Variants in WDR31 observed in about 807,000 individuals in gnomAD.
The protein encoded by WDR31 is WD repeat domain 31, also known as WD repeat-containing protein 31.
In WDR31, 30 loss-of-function variants were observed where a neutral mutation model predicts 47.3. The observed-to-expected ratio is 0.63, with a 90% CI of 0.47 to 0.86. The LOEUF (loss-of-function observed/expected upper bound fraction) is 0.86. Ranked by LOEUF, WDR31 falls within the 40% of genes least tolerant of loss-of-function variation. The pLI, the probability that WDR31 is intolerant of heterozygous loss-of-function variation, is 0.00. For synonymous variants in WDR31, 137 were observed against 159.4 expected, an observed-to-expected ratio of 0.86 and a Z score of 1.06; for missense variants, 406 against 442.9, an observed-to-expected ratio of 0.92 and a Z score of 0.75.
chr9:113,322,906 A>G lies in WDR31; in HGVS notation c.475T>C (p.Ser159Pro). The change falls in exon 7 of 11, where the codon TCA becomes CCA. Residue 159 changes from serine to proline, a missense_variant. By Grantham distance (74) the Ser-to-Pro change is moderately conservative. Coordinates refer to ENST00000374193, the MANE Select transcript of WDR31 (RefSeq NM_001012361.4). ...TCCCGAGAGCCAGTGCACAGCTGTGATGAGTCTTTGGAAACAATGGTGAGA... is the reference window on the plus strand; with the variant it reads ...TCCCGAGAGCCAGTGCACAGCTGTGGTGAGTCTTTGGAAACAATGGTGAGA... ...VTGLAVSPDSSQLCTGSRDNT... is the reference protein window; with the variant it reads ...VTGLAVSPDSPQLCTGSRDNT... 1 of 1,614,164 alleles carries G rather than the reference A, an allele frequency of 6.2e-7. No individual in the cohort carries two copies.
At position 113,318,667 on chromosome 9, in the gene WDR31, A is replaced by G. The variant is rs575924466; in HGVS notation, c.781-30T>C. 5 of 1,612,210 alleles carry G rather than the reference A, an allele frequency of 3.1e-6. No homozygotes were observed. In the South Asian group the frequency reaches 3.3e-5, roughly 11 times the overall value. On this transcript the variant is annotated intron_variant, in intron 9 of 10. Coordinates refer to ENST00000374193, the MANE Select transcript of WDR31 (RefSeq NM_001012361.4). ...AAAGTAATGACATGGACCAGCTCAT[A>G]GTCACTTGTCTAGCTTCATCCATGA...
intron 9 of WDR31, among the ~76,000 whole-genome samples, chr9:113,319,501 A>G (rs1833280187): frequency 6.6e-6 from 1 of 152,218 alleles, no homozygotes; most frequent in Admixed American, 6.5e-5. Context: ...TAAGGATTAA[A>G]TGAGATATTA....
At chr9:113,333,984 T>C (rs1219150594) in intron 2 of WDR31, among the ~76,000 whole-genome samples, 2 of 151,760 alleles carry the variant, frequency 1.3e-5, no homozygotes, top group Non-Finnish European at 2.9e-5. Flanking sequence ...CTTCTCCTTC[T>C]TCTTTCTTTC....
intron 8 of WDR31, among the ~76,000 whole-genome samples, chr9:113,321,234 C>T (rs1833318972): frequency 6.6e-6 from 1 of 152,244 alleles, no homozygotes; most frequent in Admixed American, 6.5e-5. Flanking sequence ...TGGGGTTAAT[C>T]TGAACACCTT....
rs1833607495 is a variant in WDR31 at position 113,331,957 on chromosome 9, G to A, written c.66C>T (p.Val22=). 1.9e-6 allele frequency: 3 copies of A among 1,613,892 alleles called. No homozygotes were observed. The highest frequency in any genetic ancestry group is 1.6e-4 in the Middle Eastern group (1 of 6,062). ...PPQKVSFRFC[V]VMGKQQSKLK... is the part of the protein sequence containing the mutation. ...GTTTGCTTTGCTGTTTCCCCATCAC[G>A]ACACAAAACCTAAACGAAACCTTCT... Residue 22 remains valine, a synonymous_variant, in exon 3 of 11, where the codon GTC becomes GTT. Coordinates refer to ENST00000374193, the MANE Select transcript of WDR31 (RefSeq NM_001012361.4).
intron 7 of WDR31, 22 bp downstream of exon 7, chr9:113,322,789 T>G: frequency 6.2e-7 from 1 of 1,612,736 alleles, no homozygotes; most frequent in South Asian, 1.1e-5. Context: ...TGCCCTGTTC[T>G]GTACCAAGTT....
chr9:113,323,356 G>T (rs1312806069), intron 5 of WDR31, among the ~76,000 whole-genome samples: 3 of 152,024 alleles, frequency 2.0e-5, no homozygotes, highest in Non-Finnish European at 4.4e-5. Flanking sequence ...CCACCTCCTG[G>T]GTTCAAGCGA....
chr9:113,329,039 T>C, intron 4 of WDR31, 84 bp from the exon 5 acceptor site: 2 of 1,270,094 alleles, frequency 1.6e-6, no homozygotes, highest in South Asian at 2.4e-5. Context: ...CCTTACTTTC[T>C]CCCTCCTCAC....
chr9:113,324,328 C>G (rs1373120082), intron 5 of WDR31, among the ~76,000 whole-genome samples: 1 of 151,296 alleles, frequency 6.6e-6, no homozygotes, highest in Non-Finnish European at 1.5e-5. Flanking sequence ...GTGTCCGGCT[C>G]TTACTTAGCA....
chr9:113,330,611 G>A (rs1050870374), intron 4 of WDR31, among the ~76,000 whole-genome samples: 2 of 152,204 alleles, frequency 1.3e-5, no homozygotes, highest in Non-Finnish European at 2.9e-5. Flanking sequence ...ATTAACTCCT[G>A]TGTCTCCATG....
In WDR31 at chr9:113,318,637, A is replaced by G. The variant is rs74999440; in HGVS notation, c.781T>C (p.Leu261=). The G allele has an allele frequency of 1.1e-3, 1,744 of 1,614,038 alleles. 15 individuals are homozygous for G. In the African/African-American group the frequency reaches 0.021, roughly 20 times the overall value. Residue 261 remains leucine, a splice_region_variant and synonymous_variant, in exon 10 of 11, where the codon TTG becomes CTG. Coordinates refer to ENST00000374193, the MANE Select transcript of WDR31 (RefSeq NM_001012361.4). ...TTTCGAGTCTGTCTTAGGTCCCACAACTGCAAAGTAATGACATGGACCAGC... is the reference window on the plus strand; with the variant it reads ...TTTCGAGTCTGTCTTAGGTCCCACAGCTGCAAAGTAATGACATGGACCAGC... ...GFGGEGCEAT[L]WDLRQTRNRI...
chr9:113,318,422 AG>A (rs1371411349), intron 10 of WDR31, 52 bp downstream of exon 10: 3 of 1,604,456 alleles, frequency 1.9e-6, no homozygotes, highest in African/African-American at 2.7e-5. Flanking sequence ...GTTTTAAAGA[AG>A]GTTTTAGGAC....
At chr9:113,321,685 T>C (rs1355249120) in intron 7 of WDR31, 107 bp from the exon 8 acceptor site, 5 of 1,059,154 alleles carry the variant, frequency 4.7e-6, no homozygotes, top group Non-Finnish European at 5.6e-6. Context: ...TCAAGGATTC[T>C]GAACTAGCAA....
At chr9:113,330,101 T>C (rs1342197125) in intron 4 of WDR31, among the ~76,000 whole-genome samples, 1 of 151,886 alleles carries the variant, frequency 6.6e-6, no homozygotes, top group Non-Finnish European at 1.5e-5. Flanking sequence ...ATGAGAGACA[T>C]TATTATTATT....
At chr9:113,329,326 G>A (rs1193423415) in intron 4 of WDR31, among the ~76,000 whole-genome samples, 2 of 150,166 alleles carry the variant, frequency 1.3e-5, no homozygotes, top group Non-Finnish European at 3.0e-5. Flanking sequence ...TTTTTTTGTT[G>A]TGGTGTTTTT....
chr9:113,331,825 C>A (rs1397481396), intron 3 of WDR31, 82 bp downstream of exon 3: 1 of 1,299,272 alleles, frequency 7.7e-7, no homozygotes, highest in African/African-American at 1.5e-5. Context: ...CATCAACATT[C>A]GCCCTGGGCC....
At position 113,314,126 on chromosome 9, in the gene WDR31, C is replaced by G. The variant is rs1025885983; in HGVS notation, c.*2623G>C. Reference sequence around the variant, plus strand: ...AGCGAGCCGAGATTGCACCACTGCACTCCAGCCTGGGCGACAGAGCAAGAT... The same window carrying G: ...AGCGAGCCGAGATTGCACCACTGCAGTCCAGCCTGGGCGACAGAGCAAGAT... On this transcript the variant is annotated 3_prime_UTR_variant, in exon 11 of 11. Transcript: ENST00000374193. 2.2e-5 allele frequency: 3 copies of G among 134,724 alleles called. No individual in the cohort carries two copies. Among genetic ancestry groups the G allele is most frequent in the Non-Finnish European group, 3.1e-5 (2 of 64,548 alleles). 8.3% of individuals were successfully genotyped at this position (134,724 alleles called of 1,614,324 possible).
chr9:113,335,438 T>G (rs1490879370), intron 2 of WDR31, among the ~76,000 whole-genome samples: 4 of 152,226 alleles, frequency 2.6e-5, no homozygotes, highest in Admixed American at 6.5e-5. Context: ...TCCCCATTTC[T>G]TCTGAGGTTC....
intron 7 of WDR31, 95 bp downstream of exon 7, chr9:113,322,716 T>A (rs1431469728): frequency 1.6e-6 from 2 of 1,288,248 alleles, no homozygotes; most frequent in East Asian, 4.7e-5. Flanking sequence ...AGGCTCTAAT[T>A]TCTGCTCATG....
Sources: allele counts gnomAD v4.1 joint callset (sites outside exome capture counted in the v4.1 genomes callset), GRCh38; gene constraint gnomAD v4.1.1; transcripts MANE v1.5; gene names NCBI Gene and HGNC (gene_info 2026-07-23, HGNC 2026-07-21).